The following RMDN2 variants were observed in gnomAD, a reference collection of about 807,000 sequenced individuals.
RMDN2 encodes regulator of microtubule dynamics protein 2.
RMDN2 carries 61 observed loss-of-function variants against 52.8 expected under a neutral mutation model. The observed-to-expected ratio is 1.16, with a 90% CI of 0.94 to 1.43. RMDN2 has a LOEUF of 1.43. Among genes scored for constraint, RMDN2 ranks in the 40% most tolerant of loss-of-function variants. The pLI is 0.00. For missense variants in RMDN2, 592 were observed against 475.3 expected, an observed-to-expected ratio of 1.25 and a Z score of -2.28; for synonymous variants, 180 against 153.1, an observed-to-expected ratio of 1.18 and a Z score of -1.30.
rs77138666 is a variant in RMDN2 at position 37,980,681 on chromosome 2, C to A, written c.731-602C>A. 9.0e-4 allele frequency among the ~76,000 whole-genome samples: 137 copies of A among 152,198 alleles called. 2 individuals are homozygous for A. In the East Asian group the frequency reaches 0.022, roughly 25 times the overall value. ...TTGGGGGAATTATTTATGTCACTGG[C>A]CCTGTTCATTATTGTGAATGATTAG... is the stretch of plus-strand genomic sequence containing the variant. On this transcript the variant is annotated intron_variant, in intron 4 of 10. Transcript: ENST00000354545.
downstream of RMDN2, among the ~76,000 whole-genome samples, chr2:38,018,647 G>A (rs1344499692): frequency 6.6e-6 from 1 of 152,166 alleles, no homozygotes; most frequent in African/African-American, 2.4e-5. Context: ...ATAAAAATAA[G>A]CACAGAAGAG....
chr2:37,987,179 A>C (rs1674134106), intron 5 of RMDN2, among the ~76,000 whole-genome samples: 1 of 152,172 alleles, frequency 6.6e-6, no homozygotes, highest in South Asian at 2.1e-4. Flanking sequence ...AGCAATGAAG[A>C]AGTGGAGTTT....
chr2:37,981,368 CTT>C, intron 5 of RMDN2, 25 bp downstream of exon 5: 1 of 1,453,612 alleles, frequency 6.9e-7, no homozygotes, highest in Non-Finnish European at 9.6e-7. Flanking sequence ...TTTATGCAGT[CTT>C]TTAAATTCTA....
intron 2 of RMDN2, among the ~76,000 whole-genome samples, chr2:37,955,637 C>G (rs1669353810): frequency 6.6e-6 from 1 of 152,120 alleles, no homozygotes; most frequent in Admixed American, 6.5e-5. Context: ...GAGTAAGTCT[C>G]AAGAGATCTG....
intron 10 of RMDN2, among the ~76,000 whole-genome samples, chr2:38,010,265 G>A (rs1234364074): frequency 6.6e-6 from 1 of 152,208 alleles, no homozygotes; most frequent in Non-Finnish European, 1.5e-5. Flanking sequence ...TAAGTCTGCA[G>A]AGGATTCTGC....
At chr2:37,923,727 GCT>G (rs1198660737), upstream of RMDN2, among the ~76,000 whole-genome samples, 2 of 152,156 alleles carry the variant, frequency 1.3e-5, no homozygotes, top group African/African-American at 4.8e-5. Context: ...AGATTAATCT[GCT>G]CTTTTTCCAA....
At chr2:37,922,035 C>T (rs1006343885), upstream of RMDN2, among the ~76,000 whole-genome samples, 1 of 152,184 alleles carries the variant, frequency 6.6e-6, no homozygotes, top group African/African-American at 2.4e-5. Flanking sequence ...CTGCTCTTTG[C>T]CTGTGCGCTT....
intron 2 of RMDN2, among the ~76,000 whole-genome samples, chr2:37,948,448 T>C (rs6706319): frequency 0.39 from 59,701 of 151,968 alleles, 12,927 homozygotes; most frequent in South Asian, 0.53. Flanking sequence ...GGAGGAGGGT[T>C]GGGTGGCCAT....
chr2:38,011,199 A>T (rs1300074247), intron 10 of RMDN2, among the ~76,000 whole-genome samples: 1 of 152,220 alleles, frequency 6.6e-6, no homozygotes, highest in Non-Finnish European at 1.5e-5. Flanking sequence ...CATGACAAAG[A>T]TGAAAAATAT....
intron 2 of RMDN2, chr2:37,951,082 ATTC>A (rs1288253479): frequency 1.2e-5 from 9 of 744,678 alleles, no homozygotes; most frequent in South Asian, 8.6e-5. Context: ...AAGCTCCCCT[ATTC>A]TTCTTATTCC....
At chr2:37,921,838 C>T (rs1026831181), upstream of RMDN2, among the ~76,000 whole-genome samples, 2 of 152,144 alleles carry the variant, frequency 1.3e-5, no homozygotes, top group African/African-American at 4.8e-5. Flanking sequence ...ATGTTATTTA[C>T]TTCATTAGAT....
At chr2:37,952,402 T>G (rs1157081310) in intron 2 of RMDN2, 1 of 521,928 alleles carries the variant, frequency 1.9e-6, no homozygotes, top group Non-Finnish European at 3.3e-6. Flanking sequence ...GTTATTGGAG[T>G]ATGGAAGTCA....
chr2:37,976,890 C>T (rs553543254), intron 4 of RMDN2, among the ~76,000 whole-genome samples: 2 of 148,582 alleles, frequency 1.3e-5, no homozygotes, highest in African/African-American at 5.0e-5. Flanking sequence ...GGGTGTTTCT[C>T]GGAGAGGGGG....
chr2:37,984,670 T>G (rs1673764786), intron 5 of RMDN2, among the ~76,000 whole-genome samples: 1 of 152,182 alleles, frequency 6.6e-6, no homozygotes, highest in South Asian at 2.1e-4. Flanking sequence ...GGAGTTGTTT[T>G]AGTAGTTGTT....
intron 2 of RMDN2, among the ~76,000 whole-genome samples, chr2:37,948,501 A>G (rs1322580642): frequency 6.6e-6 from 1 of 152,114 alleles, no homozygotes; most frequent in Non-Finnish European, 1.5e-5. Flanking sequence ...CATGGAATTG[A>G]TAATAAAGAG....
At chr2:37,990,012 G>C (rs7575921) in intron 6 of RMDN2, among the ~76,000 whole-genome samples, 6 of 151,402 alleles carry the variant, frequency 4.0e-5, no homozygotes, top group African/African-American at 1.5e-4. Context: ...TAGTGGTGGC[G>C]GGCGCCTATA....
At chr2:38,014,427 A>G (rs1558554404) in intron 10 of RMDN2, among the ~76,000 whole-genome samples, 1 of 152,296 alleles carries the variant, frequency 6.6e-6, no homozygotes, top group Admixed American at 6.5e-5. Context: ...GTTTAAATTG[A>G]TCTTAAAAAC....
intron 10 of RMDN2, among the ~76,000 whole-genome samples, chr2:38,054,851 G>A (rs1681791949): frequency 6.6e-6 from 1 of 152,052 alleles, no homozygotes; most frequent in South Asian, 2.1e-4. Flanking sequence ...ACTTAATATA[G>A]AATACAGCAC....
chr2:37,974,889 A>G, intron 3 of RMDN2: 1 of 247,704 alleles, frequency 4.0e-6, no homozygotes, highest in Non-Finnish European at 7.6e-6. Context: ...TTGGAAAGGA[A>G]AAGAAGAAAA....
Sources: allele counts gnomAD v4.1 joint callset (sites outside exome capture counted in the v4.1 genomes callset), GRCh38; gene constraint gnomAD v4.1.1; transcripts MANE v1.5; gene names NCBI Gene and HGNC (gene_info 2026-07-23, HGNC 2026-07-21).